The following SHF variants were observed in gnomAD, a reference collection of about 807,000 sequenced individuals.
The protein encoded by SHF is Src homology 2 domain containing F.
A neutral mutation model predicts 42.4 loss-of-function variants in SHF; 30 were observed. The observed-to-expected ratio is 0.71, with a 90% CI of 0.53 to 0.96. SHF has a LOEUF of 0.96. Among genes scored for constraint, SHF ranks in the 40% least tolerant of loss-of-function variants. The pLI, the probability that SHF is intolerant of heterozygous loss-of-function variation, is 0.00. For missense variants in SHF, 598 were observed against 634.0 expected (o/e 0.94, Z 0.61); for synonymous variants, 264 against 269.9 (o/e 0.98, Z 0.21).
In SHF at chr15:45,168,115, CA is replaced by C; in HGVS notation, c.1298del (p.Met433SerfsTer3). ...SLSLKSSQGF[M>X]HMKLSRTKEH... Reference sequence around the variant, plus strand: ...CCTTGGTTCGGGACAGCTTCATGTGCATGAATCCCTGGCTGCTCCTGGGAAG... The same window carrying C: ...CCTTGGTTCGGGACAGCTTCATGTGCTGAATCCCTGGCTGCTCCTGGGAAG... On this transcript the variant is annotated frameshift_variant, in exon 7 of 7. Coordinates refer to ENST00000690270, the MANE Select transcript of SHF (RefSeq NM_001394037.1). LOFTEE classifies it high-confidence loss of function. 1 of 1,597,936 alleles carries C rather than the reference CA, an allele frequency of 6.3e-7. No homozygotes were observed. Among genetic ancestry groups the C allele is most frequent in the Non-Finnish European group, 8.5e-7 (1 of 1,170,060 alleles).
upstream of SHF, among the ~76,000 whole-genome samples, chr15:45,188,564 A>G (rs1898595432): frequency 6.6e-6 from 1 of 152,216 alleles, no homozygotes; most frequent in Admixed American, 6.5e-5. Flanking sequence ...CACATCTCAC[A>G]TCACATACAA....
At chr15:45,171,662 A>G in intron 6 of SHF, 1 of 594,972 alleles carries the variant, frequency 1.7e-6, no homozygotes. Context: ...CAACTAGAAC[A>G]GAACCCTTCT....
At chr15:45,198,652 A>G in intron 2 of SHF, 3 of 1,277,944 alleles carry the variant, frequency 2.3e-6, no homozygotes, top group Non-Finnish European at 2.1e-6. Flanking sequence ...CACAACGCAG[A>G]GTACTAACCA....
At chr15:45,182,739 T>C (rs79616128) in intron 1 of SHF, among the ~76,000 whole-genome samples, 7,383 of 152,306 alleles carry the variant, frequency 0.048, 621 homozygotes, top group African/African-American at 0.17. Flanking sequence ...TATTTAACCA[T>C]GGAAGCCCTT....
At chr15:45,171,079 A>G (rs1232683646) in intron 6 of SHF, 1 of 153,708 alleles carries the variant, frequency 6.5e-6, no homozygotes, top group Admixed American at 6.5e-5. Context: ...ATGGTCCCAG[A>G]GAATGTGGTA....
intron 3 of SHF, chr15:45,174,217 G>T: frequency 5.8e-6 from 1 of 172,314 alleles, no homozygotes; most frequent in South Asian, 1.3e-4. Context: ...AGACTTGAGG[G>T]CAGATGTTTT....
intron 6 of SHF, among the ~76,000 whole-genome samples, chr15:45,169,554 C>T (rs1374196961): frequency 6.6e-6 from 1 of 152,216 alleles, no homozygotes; most frequent in South Asian, 2.1e-4. Flanking sequence ...GGCAGTGTCC[C>T]CTGTCAGGCT....
exon 1 of SHF, chr15:45,200,908 C>T (rs768805677): frequency 6.6e-6 from 3 of 454,522 alleles, no homozygotes; most frequent in Non-Finnish European, 1.3e-5. Flanking sequence ...ATTGCAGGCC[C>T]GGCCTCATAG....
At chr15:45,178,454 G>C (rs1897946204) in intron 1 of SHF, 148 bp from the exon 2 acceptor site, 1 of 953,252 alleles carries the variant, frequency 1.0e-6, no homozygotes, top group Non-Finnish European at 1.5e-6. Flanking sequence ...CTCTGAGCTT[G>C]GATGGGGACA....
At chr15:45,185,821 C>A (rs1462157387) in intron 1 of SHF, among the ~76,000 whole-genome samples, 1 of 152,250 alleles carries the variant, frequency 6.6e-6, no homozygotes, top group Non-Finnish European at 1.5e-5. Context: ...CTCCGACCCT[C>A]ACGCCACCCT....
upstream of SHF, among the ~76,000 whole-genome samples, chr15:45,189,810 G>A (rs113196204): frequency 0.018 from 2,689 of 152,192 alleles, 35 homozygotes; most frequent in Admixed American, 0.027. Flanking sequence ...CCAGGGCCCC[G>A]AGTCTCAAAA....
At chr15:45,189,779 A>ACTGTGAATCTC (rs760770701), upstream of SHF, among the ~76,000 whole-genome samples, 2 of 152,002 alleles carry the variant, frequency 1.3e-5, no homozygotes, top group Non-Finnish European at 2.9e-5. Flanking sequence ...TAATGGCAAA[A>ACTGTGAATCTC]CTGTGAATCT....
intron 2 of SHF, among the ~76,000 whole-genome samples, chr15:45,195,099 C>T (rs547828634): frequency 1.3e-5 from 2 of 151,818 alleles, no homozygotes; most frequent in Non-Finnish European, 2.9e-5. Flanking sequence ...CCCAAAGTAT[C>T]GAAATTATAG....
intron 1 of SHF, among the ~76,000 whole-genome samples, chr15:45,180,077 G>A (rs139265556): frequency 0.011 from 1,663 of 151,972 alleles, 12 homozygotes; most frequent in Non-Finnish European, 0.017. Context: ...CCTCCTTTGC[G>A]TCTCTGCCTG....
At chr15:45,198,665 A>C in intron 2 of SHF, 1 of 1,436,566 alleles carries the variant, frequency 7.0e-7, no homozygotes. Flanking sequence ...ACTAACCACT[A>C]TACGATCACG....
Position 45,172,329 on chromosome 15 carries a change from C to T in SHF, c.989-11G>A. On this transcript the variant is annotated splice_polypyrimidine_tract_variant and intron_variant, in intron 4 of 6. Transcript: ENST00000690270. ...GTCCTTCAAACTGGGCTGTGGGGAA[C>T]ATATCAATCATGGACTCTAAGGACC... 6.3e-7 allele frequency: 1 copy of T among 1,582,066 alleles called. No individual in the cohort carries two copies. Among genetic ancestry groups the T allele is most frequent in the Non-Finnish European group, 8.6e-7 (1 of 1,164,934 alleles).
In SHF at chr15:45,168,022, A is replaced by G; in HGVS notation, c.1392T>C (p.Tyr464=). ...FSSVPEIVHH[Y]ASRKLPIKGA... ...CCTTAATGGGTAGCTTGCGGCTGGCATAGTGGTGCACAATTTCAGGGACGC... is the reference window on the plus strand; with the variant it reads ...CCTTAATGGGTAGCTTGCGGCTGGCGTAGTGGTGCACAATTTCAGGGACGC... Residue 464 remains tyrosine, a synonymous_variant, in exon 7 of 7, where the codon TAT becomes TAC. Coordinates refer to ENST00000690270, the MANE Select transcript of SHF (RefSeq NM_001394037.1). 1 of 1,613,720 alleles carries G rather than the reference A, an allele frequency of 6.2e-7. No individual in the cohort carries two copies.
rs1898505543 is a variant in SHF at position 45,187,622 on chromosome 15, G to A, written c.330C>T (p.Ser110=). ...GGGCGGCGGAGCCGGACGACCCCCC[G>A]GAGTAGGGGTCTTCGAAGTCGCGCT... is the stretch of plus-strand genomic sequence containing the variant. ...QRERDFEDPY[S]GGSSGSAALA... is the part of the protein sequence containing the mutation. Residue 110 remains serine (S), a synonymous_variant, in exon 1 of 7, where the codon TCC becomes TCT. Coordinates refer to ENST00000690270, the MANE Select transcript of SHF (RefSeq NM_001394037.1). 3 of 1,229,666 alleles carry A rather than the reference G, an allele frequency of 2.4e-6. No homozygotes were observed. Among genetic ancestry groups the A allele is most frequent in the Non-Finnish European group, 2.0e-6 (2 of 986,544 alleles). The allele number at this position is 1,229,666 out of a possible 1,614,324, so 76.2% of individuals were successfully genotyped here. A position where few individuals can be genotyped will look rare whatever the true frequency, so the allele number is the denominator to read the frequency against.
chr15:45,181,533 C>T (rs1898126803), intron 1 of SHF, among the ~76,000 whole-genome samples: 1 of 152,210 alleles, frequency 6.6e-6, no homozygotes, highest in Non-Finnish European at 1.5e-5. Context: ...CCCTTTGCCC[C>T]ACTCTGATGT....
Sources: allele counts gnomAD v4.1 joint callset (sites outside exome capture counted in the v4.1 genomes callset), GRCh38; gene constraint gnomAD v4.1.1; transcripts MANE v1.5; gene names NCBI Gene and HGNC (gene_info 2026-07-23, HGNC 2026-07-21).